The following RBFOX1 variants were observed in gnomAD, a reference collection of about 807,000 sequenced individuals.
RBFOX1 encodes the protein RNA binding fox-1 homolog 1, also known as RNA binding protein fox-1 homolog 1.
In RBFOX1, 8 loss-of-function variants were observed where a neutral mutation model predicts 57.7. The ratio of observed to expected loss-of-function variants is 0.14; its 90% CI spans 0.08 to 0.25. The LOEUF (loss-of-function observed/expected upper bound fraction) is 0.25, where lower values mean the gene tolerates loss of function less well. Among genes scored for constraint, RBFOX1 ranks in the 10% least tolerant of loss-of-function variants. The pLI, the probability that RBFOX1 is intolerant of heterozygous loss-of-function variation, is 1.00. For synonymous variants in RBFOX1, 326 were observed against 222.4 expected (o/e 1.47, Z -4.15); for missense variants, 611 against 548.5 (o/e 1.11, Z -1.14).
intron 9 of RBFOX1, among the ~76,000 whole-genome samples, chr16:7,606,988 C>G (rs550324571): frequency 6.6e-6 from 1 of 152,154 alleles, no homozygotes; most frequent in East Asian, 1.9e-4. Flanking sequence ...TATAGTAGTT[C>G]TAAAAAATAT....
intron 4 of RBFOX1, among the ~76,000 whole-genome samples, chr16:7,130,866 G>A (rs1468097798): frequency 6.6e-6 from 1 of 152,124 alleles, no homozygotes; most frequent in African/African-American, 2.4e-5. Context: ...ATCCTGGGGT[G>A]CCATCAAGAA....
At chr16:5,654,097 A>G (rs1386597367) in intron 3 of RBFOX1, among the ~76,000 whole-genome samples, 1 of 152,170 alleles carries the variant, frequency 6.6e-6, no homozygotes, top group East Asian at 1.9e-4. Flanking sequence ...TGCAGTGAGG[A>G]CACGTCTGGG....
At chr16:5,967,213 C>A (rs1477467041) in intron 4 of RBFOX1, among the ~76,000 whole-genome samples, 1 of 152,210 alleles carries the variant, frequency 6.6e-6, no homozygotes, top group Non-Finnish European at 1.5e-5. Context: ...AGTCCCAGGA[C>A]TAGACCAGAG....
At chr16:7,207,060 C>T (rs985490037) in intron 4 of RBFOX1, among the ~76,000 whole-genome samples, 1 of 152,118 alleles carries the variant, frequency 6.6e-6, no homozygotes, top group Admixed American at 6.5e-5. Flanking sequence ...ATGGAAATAC[C>T]CTACAGATGT....
chr16:7,608,701 C>T (rs1254310342), intron 10 of RBFOX1, among the ~76,000 whole-genome samples: 3 of 152,158 alleles, frequency 2.0e-5, no homozygotes, highest in Non-Finnish European at 4.4e-5. Context: ...GCCTCAGTTT[C>T]CTCATCTATT....
intron 11 of RBFOX1, among the ~76,000 whole-genome samples, chr16:7,642,684 T>A (rs528763861): frequency 6.6e-6 from 1 of 152,274 alleles, no homozygotes; most frequent in Admixed American, 6.5e-5. Flanking sequence ...TATAAATTAT[T>A]TGGGTTTTTT....
chr16:6,320,547 C>T (rs1567930399), intron 2 of RBFOX1, among the ~76,000 whole-genome samples: 1 of 151,840 alleles, frequency 6.6e-6, no homozygotes, highest in African/African-American at 2.4e-5. Flanking sequence ...ATATATGAGA[C>T]ATGTTAATGT....
In RBFOX1 at chr16:6,750,994, G is replaced by C. The variant is rs2074832184; in HGVS notation, c.-16+96344G>C. 2.6e-5 allele frequency among the ~76,000 whole-genome samples: 4 copies of C among 152,108 alleles called. 1 individual carries two copies. Among genetic ancestry groups the C allele is most frequent in the African/African-American group, 9.7e-5 (4 of 41,432 alleles). On this transcript the variant is annotated intron_variant, in intron 3 of 15. Transcript: ENST00000550418. ...GAAGGTGCCAACTGGCCAAAAAGAGGAAGGATCATTAGAAACAGAAACAGC... is the reference window on the plus strand; with the variant it reads ...GAAGGTGCCAACTGGCCAAAAAGAGCAAGGATCATTAGAAACAGAAACAGC...
intron 2 of RBFOX1, among the ~76,000 whole-genome samples, chr16:6,359,712 C>G (rs1465686997): frequency 1.3e-5 from 2 of 152,192 alleles, no homozygotes; most frequent in Non-Finnish European, 2.9e-5. Context: ...CATCTACTGT[C>G]TTCCACGAAG....
chr16:5,758,439 G>C (rs561478550), intron 3 of RBFOX1, among the ~76,000 whole-genome samples: 78 of 152,276 alleles, frequency 5.1e-4, no homozygotes, highest in Non-Finnish European at 1.0e-3. Context: ...AAAGAAGAGA[G>C]GTTGGCCTCA....
intron 3 of RBFOX1, among the ~76,000 whole-genome samples, chr16:6,940,044 G>A (rs944902649): frequency 6.6e-6 from 1 of 152,116 alleles, no homozygotes; most frequent in Non-Finnish European, 1.5e-5. Context: ...GCAAAACCCT[G>A]TCTCTACTGA....
chr16:6,450,769 A>ATATATATATATACATATATATATG (rs2094576818), intron 2 of RBFOX1, among the ~76,000 whole-genome samples: 1 of 19,354 alleles, frequency 5.2e-5, no homozygotes, highest in Non-Finnish European at 7.5e-5. Context: ...ATATATGTGT[A>ATATATATATATACATATATATATG]TATATATATA....
rs538796822 is a variant in RBFOX1, at chr16:7,473,113, C to T, written c.28-45034C>T. 2.0e-5 allele frequency among the ~76,000 whole-genome samples: 3 copies of T among 152,304 alleles called. No individual in the cohort carries two copies. The South Asian group carries it at 6.2e-4, about 32-fold the overall frequency. On this transcript the variant is annotated intron_variant, in intron 4 of 15. Transcript: ENST00000550418. The stretch of plus-strand genomic sequence containing the variant: ...AGGATCTCCGCTAGGTGCAGTGGCT[C>T]ATGCCTGTAATCTCAGCCCTTTGGG...
intron 2 of RBFOX1, among the ~76,000 whole-genome samples, chr16:6,409,761 G>T (rs940783121): frequency 6.6e-6 from 1 of 152,186 alleles, no homozygotes; most frequent in Non-Finnish European, 1.5e-5. Context: ...TTCTTCCGAA[G>T]CTGAGGGAAA....
intron 4 of RBFOX1, among the ~76,000 whole-genome samples, chr16:7,073,610 G>T (rs1344152113): frequency 6.6e-6 from 1 of 152,060 alleles, no homozygotes; most frequent in South Asian, 2.1e-4. Flanking sequence ...TTGGGAGGTC[G>T]AGGTGAGTGG....
intron 4 of RBFOX1, among the ~76,000 whole-genome samples, chr16:7,100,279 T>C (rs2062448813): frequency 6.6e-6 from 1 of 152,184 alleles, no homozygotes; most frequent in African/African-American, 2.4e-5. Context: ...AAAATTTCTC[T>C]TTTTAAAAAG....
intron 4 of RBFOX1, among the ~76,000 whole-genome samples, chr16:7,276,923 G>A (rs902589039): frequency 5.9e-5 from 9 of 152,124 alleles, no homozygotes; most frequent in Admixed American, 3.9e-4. Flanking sequence ...AGTTTGATGC[G>A]TCCCAGCAAA....
chr16:7,525,034 A>G (rs570314152), intron 5 of RBFOX1, among the ~76,000 whole-genome samples: 1 of 152,380 alleles, frequency 6.6e-6, no homozygotes, highest in African/African-American at 2.4e-5. Context: ...TCTCTGTGCC[A>G]GAAATGAGTT....
chr16:7,338,959 G>A (rs2096843517), intron 4 of RBFOX1, among the ~76,000 whole-genome samples: 1 of 152,152 alleles, frequency 6.6e-6, no homozygotes, highest in Non-Finnish European at 1.5e-5. Context: ...AATGCTGGTG[G>A]CGTCATTTAC....
Sources: allele counts gnomAD v4.1 joint callset (sites outside exome capture counted in the v4.1 genomes callset), GRCh38; gene constraint gnomAD v4.1.1; transcripts MANE v1.5; gene names NCBI Gene and HGNC (gene_info 2026-07-23, HGNC 2026-07-21).